The following EBLN1 variants were observed in gnomAD, a reference collection of about 807,000 sequenced individuals.
EBLN1 encodes endogenous Bornavirus-like nucleoprotein 1.
Under a neutral mutation model 0.8 loss-of-function variants are expected in EBLN1, and 1 was observed. The observed-to-expected ratio is 1.32, with a 90% CI of 0.47 to 6.26. The LOEUF is 6.26. Among genes scored for constraint, EBLN1 ranks in the 30% most tolerant of loss-of-function variants. The probability of loss-of-function intolerance (pLI) is 0.15; values close to 1 mark genes in which losing one functional copy is unlikely to be tolerated. For missense variants in EBLN1, 396 were observed against 447.9 expected, an observed-to-expected ratio of 0.88 and a Z score of 1.05; for synonymous variants, 158 against 158.5, an observed-to-expected ratio of 1.00 and a Z score of 0.02.
chr10:22,217,646 C>T (rs1436927787), intron 1 of EBLN1, among the ~76,000 whole-genome samples: 1 of 152,092 alleles, frequency 6.6e-6, no homozygotes, highest in Non-Finnish European at 1.5e-5. Context: ...ATGACAAAAG[C>T]AGATACTACG....
Position 22,209,245 on chromosome 10 carries a change from A to G in EBLN1, c.739T>C (p.Cys247Arg). ...YYTVRMFLDQ[C>R]VDGSTALPAV... ...GGTAAAGCAGTGGAACCATCCACAC[A>G]CTGATCCAGGAACATTCTCACAGTG... Residue 247 changes from cysteine to arginine, a missense_variant, in exon 3 of 3, where the codon TGT (cysteine) becomes CGT (arginine). Coordinates refer to ENST00000422359, the MANE Select transcript of EBLN1 (RefSeq NM_001394757.1). 6.4e-7 allele frequency: 1 copy of G among 1,562,430 alleles called. No individual in the cohort carries two copies. Among genetic ancestry groups the G allele is most frequent in the Non-Finnish European group, 8.6e-7 (1 of 1,161,538 alleles).
intron 1 of EBLN1, among the ~76,000 whole-genome samples, chr10:22,213,817 GA>G (rs1362282371): frequency 6.6e-6 from 1 of 152,100 alleles, no homozygotes; most frequent in African/African-American, 2.4e-5. Flanking sequence ...CAAAACTTTG[GA>G]AAAACCTGGA....
At chr10:22,217,392 A>G (rs892889098) in intron 1 of EBLN1, among the ~76,000 whole-genome samples, 1 of 152,252 alleles carries the variant, frequency 6.6e-6, no homozygotes, top group Admixed American at 6.5e-5. Context: ...AGGAATAAAG[A>G]GAACTGCTTC....
intron 1 of EBLN1, among the ~76,000 whole-genome samples, chr10:22,217,336 C>G (rs889348884): frequency 2.0e-5 from 3 of 152,100 alleles, no homozygotes; most frequent in African/African-American, 7.2e-5. Context: ...AGTGCAAAAA[C>G]TTATCATCCT....
At chr10:22,214,299 TTTC>T (rs1401399819) in intron 1 of EBLN1, among the ~76,000 whole-genome samples, 1 of 133,114 alleles carries the variant, frequency 7.5e-6, no homozygotes, top group African/African-American at 3.2e-5. Context: ...TTTGTTTTAC[TTTC>T]TTTTTTTTTT....
intron 1 of EBLN1, among the ~76,000 whole-genome samples, chr10:22,217,180 C>T (rs937322205): frequency 1.3e-5 from 2 of 152,164 alleles, no homozygotes; most frequent in African/African-American, 4.8e-5. Flanking sequence ...GGCTGCAGTG[C>T]AGTGGTGCAA....
At chr10:22,214,712 A>C (rs1834778146) in intron 1 of EBLN1, among the ~76,000 whole-genome samples, 2 of 152,160 alleles carry the variant, frequency 1.3e-5, no homozygotes, top group Non-Finnish European at 2.9e-5. Context: ...GCATAAAAGG[A>C]GGTATGAACA....
chr10:22,211,156 C>T (rs1834749771), intron 2 of EBLN1, among the ~76,000 whole-genome samples: 1 of 152,150 alleles, frequency 6.6e-6, no homozygotes, highest in Admixed American at 6.5e-5. Context: ...TCTCTTAATG[C>T]AATGAAAGGT....
chr10:22,210,110 T>C, intron 2 of EBLN1, 83 bp from the exon 3 acceptor site: 2 of 1,132,616 alleles, frequency 1.8e-6, no homozygotes. Flanking sequence ...CTTCTGTATC[T>C]CATTTACTTC....
At chr10:22,212,099 G>A (rs1379872811) in intron 2 of EBLN1, among the ~76,000 whole-genome samples, 1 of 152,134 alleles carries the variant, frequency 6.6e-6, no homozygotes, top group African/African-American at 2.4e-5. Flanking sequence ...TAGGGGCTAG[G>A]GTTGGTGTTC....
At chr10:22,216,760 C>T (rs1420850082) in intron 1 of EBLN1, among the ~76,000 whole-genome samples, 3 of 152,162 alleles carry the variant, frequency 2.0e-5, no homozygotes, top group African/African-American at 4.8e-5. Flanking sequence ...TACAATTAAA[C>T]GGAGTATAAA....
chr10:22,214,457 G>T (rs1237789241), intron 1 of EBLN1, among the ~76,000 whole-genome samples: 1 of 151,638 alleles, frequency 6.6e-6, no homozygotes, highest in African/African-American at 2.4e-5. Context: ...GCATCACCTT[G>T]CCCAGCCAAG....
rs1834731001 is a variant in EBLN1 at position 22,209,798 on chromosome 10, A to G, written c.186T>C (p.Ser62=). Residue 62 remains serine, a synonymous_variant, in exon 3 of 3, where the codon TCT becomes TCC. Transcript: ENST00000422359. ...GAGATCTCTGTGCTGGGTCTAGCAT[A>G]GACTTAGTTGCTTTTTCAATGACCT... The part of the protein sequence containing the change: ...DVKVIEKATK[S]MLDPAQRSHF... 1 of 1,535,044 alleles carries G rather than the reference A, an allele frequency of 6.5e-7. No homozygotes were observed. Among genetic ancestry groups the G allele is most frequent in the African/African-American group, 1.4e-5 (1 of 72,968 alleles).
At chr10:22,211,774 C>T (rs182114010) in intron 2 of EBLN1, among the ~76,000 whole-genome samples, 75 of 152,168 alleles carry the variant, frequency 4.9e-4, no homozygotes, top group African/African-American at 1.8e-3. Context: ...CCCACCCCTC[C>T]GCCACAGCCT....
intron 2 of EBLN1, among the ~76,000 whole-genome samples, chr10:22,210,288 C>G (rs1466724033): frequency 6.6e-6 from 1 of 152,112 alleles, no homozygotes; most frequent in Non-Finnish European, 1.5e-5. Flanking sequence ...GAAGAGTCAA[C>G]CACTCATTTC....
rs1834716474 is a variant in EBLN1 at position 22,208,852 on chromosome 10, A to G, written c.*31T>C. The G allele has an allele frequency of 5.5e-6, 8 of 1,459,794 alleles. No homozygotes were observed. The highest frequency in any genetic ancestry group is 6.3e-6 in the Non-Finnish European group (7 of 1,113,556). The allele number at this position is 1,459,794 out of a possible 1,614,324, so 90.4% of individuals were successfully genotyped here. On this transcript the variant is annotated 3_prime_UTR_variant, in exon 3 of 3. Transcript: ENST00000422359. ...TGATTTTCACATAATTTCTTTTTAT[A>G]TGTATATATAAGGATTAGTTCACGT... is the stretch of plus-strand genomic sequence containing the variant.
intron 1 of EBLN1, among the ~76,000 whole-genome samples, chr10:22,217,207 C>A (rs541386286): frequency 1.0e-3 from 159 of 152,286 alleles, no homozygotes; most frequent in African/African-American, 3.8e-3. Context: ...CTCACTGCAA[C>A]CTTCGCCTCC....
At chr10:22,211,323 G>A (rs866780074) in intron 2 of EBLN1, among the ~76,000 whole-genome samples, 121 of 152,188 alleles carry the variant, frequency 8.0e-4, no homozygotes, top group African/African-American at 2.8e-3. Flanking sequence ...AAAAAGGTGA[G>A]ATTTATGAAA....
At chr10:22,213,586 C>T (rs1267922111) in intron 1 of EBLN1, among the ~76,000 whole-genome samples, 3 of 152,146 alleles carry the variant, frequency 2.0e-5, no homozygotes, top group African/African-American at 7.2e-5. Context: ...CTTTAGGCCC[C>T]TCAGAACCTG....
Sources: allele counts gnomAD v4.1 joint callset (sites outside exome capture counted in the v4.1 genomes callset), GRCh38; gene constraint gnomAD v4.1.1; transcripts MANE v1.5; gene names NCBI Gene and HGNC (gene_info 2026-07-23, HGNC 2026-07-21).